The following ADARB1 variants were observed in gnomAD, a reference collection of about 807,000 sequenced individuals.
The protein encoded by ADARB1 is adenosine deaminase RNA specific B1, also known as double-stranded RNA-specific editase 1.
In ADARB1, 10 loss-of-function variants were observed where a neutral mutation model predicts 52.4. The observed-to-expected ratio is 0.19, with a 90% CI of 0.12 to 0.32. ADARB1 has a LOEUF of 0.32. Among genes scored for constraint, ADARB1 ranks in the 10% least tolerant of loss-of-function variants. The pLI is 1.00. For synonymous variants in ADARB1, 349 were observed against 371.1 expected (o/e 0.94, Z 0.68); for missense variants, 643 against 922.3 (o/e 0.70, Z 3.92).
intron 1 of ADARB1, among the ~76,000 whole-genome samples, chr21:45,079,709 C>T (rs1052770095): frequency 1.3e-5 from 2 of 152,130 alleles, no homozygotes; most frequent in Admixed American, 6.5e-5. Flanking sequence ...TAAAATAGTA[C>T]CTGACTAACA....
In ADARB1 at chr21:45,163,930, T is replaced by A. The variant is rs1462648165; in HGVS notation, c.-47-7680T>A. On this transcript the variant is annotated intron_variant, in intron 2 of 10. Transcript: ENST00000348831. Reference sequence around the variant, plus strand: ...TCTGTCCCACGTTGCCATAGCTGAGTTCACTCGGCACAGTCACCTTGGGCT... The same window carrying A: ...TCTGTCCCACGTTGCCATAGCTGAGATCACTCGGCACAGTCACCTTGGGCT... Among the ~76,000 whole-genome samples, 3 of 152,208 alleles carry A rather than the reference T, an allele frequency of 2.0e-5. 1 individual carries two copies. In the East Asian group the frequency reaches 5.8e-4, roughly 29 times the overall value.
At chr21:45,079,216 T>A (rs928081977) in intron 1 of ADARB1, among the ~76,000 whole-genome samples, 2 of 152,244 alleles carry the variant, frequency 1.3e-5, no homozygotes, top group Admixed American at 1.3e-4. Context: ...CTTATGCTGC[T>A]AACAAAGGGA....
chr21:45,168,390 C>T (rs1311941015), intron 2 of ADARB1, among the ~76,000 whole-genome samples: 1 of 152,160 alleles, frequency 6.6e-6, no homozygotes, highest in Non-Finnish European at 1.5e-5. Flanking sequence ...AAACTCTTTG[C>T]CTAGCCCTAG....
intron 2 of ADARB1, among the ~76,000 whole-genome samples, chr21:45,161,855 C>T (rs910715304): frequency 5.9e-5 from 9 of 152,206 alleles, no homozygotes; most frequent in African/African-American, 1.9e-4. Flanking sequence ...AACCCCCGGA[C>T]TCAGCCAGAC....
chr21:45,080,556 G>C (rs2086113483), intron 1 of ADARB1, among the ~76,000 whole-genome samples: 1 of 152,248 alleles, frequency 6.6e-6, no homozygotes, highest in Non-Finnish European at 1.5e-5. Context: ...GTCCTAAAAA[G>C]TTCGGAATCT....
intron 1 of ADARB1, among the ~76,000 whole-genome samples, chr21:45,114,696 G>A (rs1601407043): frequency 6.6e-6 from 1 of 152,216 alleles, no homozygotes; most frequent in African/African-American, 2.4e-5. Context: ...ATCACCTCCA[G>A]TAATAGCTAA....
chr21:45,180,569 A>G lies in ADARB1; in HGVS notation c.1078+125A>G, dbSNP rs948770158. The G allele has an allele frequency of 8.8e-6, 7 of 795,586 alleles. No individual in the cohort carries two copies. In the African/African-American group the frequency reaches 1.0e-4, roughly 12 times the overall value. 49.3% of individuals were successfully genotyped at this position (795,586 alleles called of 1,614,324 possible). The stretch of plus-strand genomic sequence containing the variant: ...GATGGTTACTTCTTTTCTTCTTCAA[A>G]ATGTCTGCCATATGCAAGTTTACGA... On this transcript the variant is annotated intron_variant, in intron 5 of 10. Coordinates refer to ENST00000348831, the MANE Select transcript of ADARB1 (RefSeq NM_001112.4).
chr21:45,153,046 G>A (rs2090379921), intron 2 of ADARB1, among the ~76,000 whole-genome samples: 1 of 152,192 alleles, frequency 6.6e-6, no homozygotes, highest in African/African-American at 2.4e-5. Flanking sequence ...GCTTATATGA[G>A]ATTTCCTTTG....
chr21:45,204,324 G>A lies in ADARB1; in HGVS notation c.1566-231G>A, dbSNP rs1209043934. Among the ~76,000 whole-genome samples the A allele has an allele frequency of 6.6e-6, 1 of 152,216 alleles. No homozygotes were observed. Among genetic ancestry groups the A allele is most frequent in the Admixed American group, 6.5e-5 (1 of 15,282 alleles). ...AACATATGTGGCTCATTGATTGTGG[G>A]AAAACGTAATGGTAAAAACAAACAC... is the stretch of plus-strand genomic sequence containing the variant. On this transcript the variant is annotated intron_variant, in intron 8 of 10. Coordinates refer to ENST00000348831, the MANE Select transcript of ADARB1 (RefSeq NM_001112.4). This position sits in a 1 kb window ranked among gnomAD's most constrained non-coding sequence, Gnocchi z 4.4.
intron 2 of ADARB1, among the ~76,000 whole-genome samples, chr21:45,165,032 A>G (rs907741432): frequency 2.0e-5 from 3 of 152,160 alleles, no homozygotes; most frequent in Admixed American, 1.3e-4. Context: ...GTCAAAGCTG[A>G]AAACACCTTA....
At chr21:45,087,634 G>T (rs2086398874) in intron 1 of ADARB1, among the ~76,000 whole-genome samples, 1 of 152,122 alleles carries the variant, frequency 6.6e-6, no homozygotes, top group Non-Finnish European at 1.5e-5. Context: ...GTGCAGTGCT[G>T]CTCTCAGTAC....
intron 1 of ADARB1, among the ~76,000 whole-genome samples, chr21:45,081,783 G>T (rs770378575): frequency 2.0e-5 from 3 of 152,178 alleles, no homozygotes; most frequent in Admixed American, 1.3e-4. Flanking sequence ...CATGTCAGGA[G>T]GGGGGACAAC....
At chr21:45,134,685 A>G in intron 2 of ADARB1, 1 of 435,908 alleles carries the variant, frequency 2.3e-6, no homozygotes, top group Non-Finnish European at 4.6e-6. Flanking sequence ...AAAGACTTGC[A>G]CAGATTTTTT....
Position 45,176,406 on chromosome 21 carries a change from T to A in ADARB1, c.705T>A (p.Asn235Lys). Residue 235 changes from asparagine to lysine, a missense_variant, in exon 4 of 11, where the codon AAT becomes AAA. Around this residue, in one of 2 missense-constraint regions of ADARB1, gnomAD observed 380 missense variants for 446.5 expected, o/e 0.85. Transcript: ENST00000348831. This position sits in a 1 kb window ranked among gnomAD's most constrained non-coding sequence, Gnocchi z 5.8. ...LPPFPPPSGK[N>K]PVMILNELRP... ...CATTCCCACCCCCGAGTGGGAAGAATCCCGTGATGATCTTGAACGAACTGC... is the reference window on the plus strand; with the variant it reads ...CATTCCCACCCCCGAGTGGGAAGAAACCCGTGATGATCTTGAACGAACTGC... 6.2e-7 allele frequency: 1 copy of A among 1,614,128 alleles called. No homozygotes were observed. The highest frequency in any genetic ancestry group is 8.5e-7 in the Non-Finnish European group (1 of 1,180,004).
At chr21:45,151,785 A>G (rs113602005) in intron 2 of ADARB1, among the ~76,000 whole-genome samples, 2,630 of 152,244 alleles carry the variant, frequency 0.017, 27 homozygotes, top group Non-Finnish European at 0.026. Context: ...GTGCATGTAC[A>G]TGTGTGTGAT....
At chr21:45,141,656 C>T (rs1375628031) in intron 2 of ADARB1, among the ~76,000 whole-genome samples, 2 of 152,084 alleles carry the variant, frequency 1.3e-5, no homozygotes, top group Admixed American at 6.6e-5. Flanking sequence ...CCTCCAGCCA[C>T]CCCAGGGACA....
At chr21:45,132,229 G>C (rs936370396) in intron 2 of ADARB1, 6 of 152,238 alleles carry the variant, frequency 3.9e-5, no homozygotes, top group African/African-American at 1.4e-4. Flanking sequence ...CTGTCAGTGT[G>C]GTGTTGGGCC....
At chr21:45,203,541 GC>G (rs2092606100) in intron 8 of ADARB1, among the ~76,000 whole-genome samples, 1 of 152,214 alleles carries the variant, frequency 6.6e-6, no homozygotes, top group Admixed American at 6.5e-5. Flanking sequence ...GCTGAGCAGA[GC>G]ATCTCTGCTC....
In ADARB1 at chr21:45,204,204, C is replaced by G. The variant is rs771924986; in HGVS notation, c.1566-351C>G. Among the ~76,000 whole-genome samples, 1 of 152,198 alleles carries G rather than the reference C, an allele frequency of 6.6e-6. No individual in the cohort carries two copies. The highest frequency in any genetic ancestry group is 2.4e-5 in the African/African-American group (1 of 41,448). On this transcript the variant is annotated intron_variant, in intron 8 of 10. Coordinates refer to ENST00000348831, the MANE Select transcript of ADARB1 (RefSeq NM_001112.4). The surrounding 1 kb of genome is among the most constrained non-coding windows in gnomAD (Gnocchi z 4.4). ...TCAGATCACGGTTGACAGTGAGTAA[C>G]TGAAACCTCTGAAAGTGAAACCTCA...
Sources: allele counts gnomAD v4.1 joint callset (sites outside exome capture counted in the v4.1 genomes callset), GRCh38; gene constraint gnomAD v4.1.1; regional missense constraint gnomAD v4.1.1; non-coding constraint Gnocchi (gnomAD v3.1); transcripts MANE v1.5; gene names NCBI Gene and HGNC (gene_info 2026-07-23, HGNC 2026-07-21).